The following BAZ2B variants were observed in gnomAD, a reference collection of about 807,000 sequenced individuals.
BAZ2B encodes bromodomain adjacent to zinc finger domain 2B, also known as bromodomain adjacent to zinc finger domain protein 2B.
Under a neutral mutation model 246.0 loss-of-function variants are expected in BAZ2B, and 91 were observed. That is an observed-to-expected ratio of 0.37 (90% CI 0.31 to 0.44). The LOEUF (loss-of-function observed/expected upper bound fraction) is 0.44. Ranked by LOEUF, BAZ2B falls within the 20% of genes least tolerant of loss-of-function variation. BAZ2B has a pLI of 1.00. For synonymous variants in BAZ2B, 855 were observed against 860.0 expected (o/e 0.99, Z 0.10); for missense variants, 2,332 against 2,533.7 (o/e 0.92, Z 1.71).
At chr2:159,431,540 A>G (rs2071115470) in intron 9 of BAZ2B, among the ~76,000 whole-genome samples, 1 of 152,172 alleles carries the variant, frequency 6.6e-6, no homozygotes, top group South Asian at 2.1e-4. Context: ...AATATGAGAA[A>G]GAGAAATCTG....
At chr2:159,455,566 A>T (rs1022308082) in intron 3 of BAZ2B, among the ~76,000 whole-genome samples, 8 of 152,032 alleles carry the variant, frequency 5.3e-5, no homozygotes, top group African/African-American at 1.9e-4. Flanking sequence ...TAAGAGGACA[A>T]GGAAAGGGCA....
intron 14 of BAZ2B, among the ~76,000 whole-genome samples, chr2:159,409,637 G>T (rs932671356): frequency 6.6e-5 from 10 of 152,082 alleles, no homozygotes; most frequent in Non-Finnish European, 1.0e-4. Context: ...ACTTCTTCTA[G>T]AATCCTCTCA....
intron 2 of BAZ2B, among the ~76,000 whole-genome samples, chr2:159,542,045 T>C (rs1457789737): frequency 6.6e-6 from 1 of 152,042 alleles, no homozygotes; most frequent in Non-Finnish European, 1.5e-5. Flanking sequence ...AATGAAAAAT[T>C]CACTAGAGGG....
At chr2:159,665,055 C>T in the BAZ2B span, among the ~76,000 whole-genome samples, 3 of 143,746 alleles carry the variant, frequency 2.1e-5, no homozygotes, top group South Asian at 2.3e-4. Context: ...TATACACCAA[C>T]AACAGACAAA....
chr2:159,436,669 T>C (rs2072387010), intron 8 of BAZ2B, among the ~76,000 whole-genome samples: 1 of 152,088 alleles, frequency 6.6e-6, no homozygotes, highest in African/African-American at 2.4e-5. Flanking sequence ...GAGAATGGCG[T>C]GAACCCAGGA....
chr2:159,426,353 A>T (rs2069868532), intron 13 of BAZ2B, among the ~76,000 whole-genome samples: 1 of 152,152 alleles, frequency 6.6e-6, no homozygotes, highest in South Asian at 2.1e-4. Flanking sequence ...AATCACAAAG[A>T]CATCTTTGGC....
intron 23 of BAZ2B, 82 bp from the exon 24 acceptor site, chr2:159,383,762 C>G: frequency 8.3e-7 from 1 of 1,204,128 alleles, no homozygotes; most frequent in South Asian, 1.3e-5. Flanking sequence ...AAACTTGATA[C>G]GTAAATTAAT....
At chr2:159,578,111 T>A (rs1473349571) in intron 1 of BAZ2B, among the ~76,000 whole-genome samples, 1 of 152,178 alleles carries the variant, frequency 6.6e-6, no homozygotes, top group East Asian at 1.9e-4. Flanking sequence ...CTCTAGTGCT[T>A]AGCTTTCTTA....
chr2:159,500,395 G>A (rs1489965430), intron 2 of BAZ2B, among the ~76,000 whole-genome samples: 2 of 152,138 alleles, frequency 1.3e-5, no homozygotes, highest in African/African-American at 4.8e-5. Flanking sequence ...TCTTATACCT[G>A]CACCATGCTG....
intron 2 of BAZ2B, among the ~76,000 whole-genome samples, chr2:159,512,642 A>G (rs747077070): frequency 4.2e-4 from 64 of 152,174 alleles, no homozygotes; most frequent in Admixed American, 3.9e-4. Context: ...CATGATTCCA[A>G]CAAGCTTGGG....
At chr2:159,679,216 G>A in the BAZ2B span, among the ~76,000 whole-genome samples, 1 of 136,510 alleles carries the variant, frequency 7.3e-6, no homozygotes, top group African/African-American at 2.9e-5. Flanking sequence ...AGCTTGCAAT[G>A]AGCCAAGATT....
intron 25 of BAZ2B, among the ~76,000 whole-genome samples, 173 bp from the exon 26 acceptor site, chr2:159,374,926 A>C (rs566760834): frequency 1.3e-5 from 2 of 152,288 alleles, no homozygotes; most frequent in South Asian, 2.1e-4. Flanking sequence ...TTTAAAAAAA[A>C]CACAAAAACC....
intron 22 of BAZ2B, 93 bp downstream of exon 22, chr2:159,386,260 C>A: frequency 7.7e-7 from 1 of 1,291,478 alleles, no homozygotes; most frequent in South Asian, 1.6e-5. Flanking sequence ...AAAATTAGAT[C>A]AATCTATATA....
the BAZ2B span, among the ~76,000 whole-genome samples, chr2:159,659,896 A>C: frequency 4.6e-5 from 7 of 152,366 alleles, no homozygotes; most frequent in African/African-American, 1.7e-4. Context: ...CATAACTGGA[A>C]GTCCTCTATT....
At chr2:159,492,153 C>G (rs2080580801) in intron 2 of BAZ2B, among the ~76,000 whole-genome samples, 1 of 152,196 alleles carries the variant, frequency 6.6e-6, no homozygotes, top group South Asian at 2.1e-4. Context: ...GGTTCTTGCA[C>G]CATACTTTCC....
chr2:159,456,910 G>A lies in BAZ2B; in HGVS notation c.146-3109C>T, dbSNP rs77405187. 3.0e-4 allele frequency among the ~76,000 whole-genome samples: 45 copies of A among 152,076 alleles called. No individual in the cohort carries two copies. In the East Asian group the frequency reaches 8.3e-3, roughly 28 times the overall value. On this transcript the variant is annotated intron_variant, in intron 3 of 36. Transcript: ENST00000392783. ...TGCGGGAAAGGTTATACTAGAGAAG[G>A]GAAATAATTTAAGAATACATTTCAC... is the stretch of plus-strand genomic sequence containing the variant.
intron 20 of BAZ2B, among the ~76,000 whole-genome samples, chr2:159,393,431 A>C (rs2063585403): frequency 2.6e-5 from 4 of 152,168 alleles, no homozygotes. Context: ...TTTTGGTTTA[A>C]TATTTTAACA....
At chr2:159,351,499 T>A (rs910160291) in intron 27 of BAZ2B, among the ~76,000 whole-genome samples, 10 of 152,096 alleles carry the variant, frequency 6.6e-5, no homozygotes, top group African/African-American at 2.4e-4. Context: ...AAAACTAAGA[T>A]GTGTACTTTT....
chr2:159,698,339 T>C, the BAZ2B span, among the ~76,000 whole-genome samples: 4 of 151,760 alleles, frequency 2.6e-5, no homozygotes, highest in South Asian at 2.1e-4. Flanking sequence ...CGGGGCAATA[T>C]AGCAATACCC....
Sources: gnomAD v4.1 joint callset for allele counts (sites outside exome capture counted in the v4.1 genomes callset) on GRCh38, gnomAD v4.1.1 for gene constraint, MANE v1.5 for transcripts, NCBI Gene and HGNC (gene_info 2026-07-23, HGNC 2026-07-21) for gene names.